The following PCDH17 variants were observed in gnomAD, a reference collection of about 807,000 sequenced individuals.
PCDH17 encodes the protein protocadherin 17.
PCDH17 carries 21 observed loss-of-function variants against 67.7 expected under a neutral mutation model. The observed-to-expected ratio is 0.31, with a 90% confidence interval of 0.22 to 0.45. PCDH17 has a LOEUF of 0.45. PCDH17 is among the 20% of genes least tolerant of loss of function. The pLI is 1.00. For missense variants in PCDH17, 1,471 were observed against 1,564.8 expected (o/e 0.94, Z 1.01); for synonymous variants, 701 against 656.7 (o/e 1.07, Z -1.03).
At chr13:57,724,008 G>C (rs1489268378) in intron 3 of PCDH17, among the ~76,000 whole-genome samples, 3 of 152,064 alleles carry the variant, frequency 2.0e-5, no homozygotes, top group African/African-American at 7.2e-5. Flanking sequence ...TAATAAAATA[G>C]AGATGTGCAC....
chr13:57,723,697 T>C (rs1379600633), intron 3 of PCDH17, among the ~76,000 whole-genome samples: 1 of 152,184 alleles, frequency 6.6e-6, no homozygotes, highest in Non-Finnish European at 1.5e-5. Flanking sequence ...TAGCTCAAAG[T>C]TATGGTTTAA....
intron 1 of PCDH17, among the ~76,000 whole-genome samples, chr13:57,641,466 A>G (rs1280265427): frequency 6.7e-6 from 1 of 148,678 alleles, no homozygotes; most frequent in East Asian, 2.0e-4. Flanking sequence ...TATAGATGAA[A>G]AATTGTGGCT....
In PCDH17 at chr13:57,720,185, T is replaced by A. The variant is rs1460695621; in HGVS notation, c.2798-4427T>A. ...CCTGATATCCTTAAGATTAAGCTAT[T>A]AAACTGCTTAGTGTAGGTTAAAAAA... On this transcript the variant is annotated intron_variant, in intron 3 of 3. Transcript: ENST00000377918. 3.3e-5 allele frequency among the ~76,000 whole-genome samples: 5 copies of A among 152,136 alleles called. No individual in the cohort carries two copies. The East Asian group carries it at 9.7e-4, about 29-fold the overall frequency.
At chr13:57,641,573 AAAAAAAAAAAAAAAATATATATAT>A (rs1195724862) in intron 1 of PCDH17, among the ~76,000 whole-genome samples, 87 of 59,952 alleles carry the variant, frequency 1.5e-3, no homozygotes, top group Middle Eastern at 0.013. Context: ...AAAAAAAAAA[AAAAAAAAAAAAAAAATATATATAT>A]ATATATATAT....
At chr13:57,635,238 G>A (rs1282104999) in intron 1 of PCDH17, 127 bp downstream of exon 1, 11 of 948,388 alleles carry the variant, frequency 1.2e-5, no homozygotes, top group Non-Finnish European at 1.6e-5. Context: ...AAATGAAAAC[G>A]GTTTACACTT....
intron 1 of PCDH17, among the ~76,000 whole-genome samples, chr13:57,660,784 T>C (rs763393160): frequency 2.0e-5 from 3 of 152,220 alleles, no homozygotes; most frequent in Non-Finnish European, 4.4e-5. Flanking sequence ...AATGATACAG[T>C]ATGCAATTTT....
At chr13:57,660,561 G>T (rs1955170661) in intron 1 of PCDH17, among the ~76,000 whole-genome samples, 1 of 152,134 alleles carries the variant, frequency 6.6e-6, no homozygotes, top group East Asian at 1.9e-4. Flanking sequence ...TTACAGTAAT[G>T]TGAACCTTTT....
chr13:57,654,453 T>G (rs1413608490), intron 1 of PCDH17, among the ~76,000 whole-genome samples: 3 of 152,208 alleles, frequency 2.0e-5, no homozygotes, highest in African/African-American at 7.2e-5. Context: ...CCATGTAGAT[T>G]ATAAAAAGTT....
At chr13:57,640,661 T>C (rs1387777379) in intron 1 of PCDH17, among the ~76,000 whole-genome samples, 1 of 152,000 alleles carries the variant, frequency 6.6e-6, no homozygotes, top group Non-Finnish European at 1.5e-5. Flanking sequence ...GAAGCCTATG[T>C]AGACGAAGAG....
rs1023261965 is a variant in PCDH17, at chr13:57,660,729, G to A, written c.2566-5739G>A. ...CCTAGCAACCACGGATTTGTTCTGTGCCATAATAGCTTTGCCTTTTTTAAA... is the reference window on the plus strand; with the variant it reads ...CCTAGCAACCACGGATTTGTTCTGTACCATAATAGCTTTGCCTTTTTTAAA... On this transcript the variant is annotated intron_variant, in intron 1 of 3. Coordinates refer to ENST00000377918, the MANE Select transcript of PCDH17 (RefSeq NM_001040429.3). Among the ~76,000 whole-genome samples the A allele has an allele frequency of 4.6e-5, 7 of 152,224 alleles. No homozygotes were observed. In the East Asian group the frequency reaches 5.8e-4, roughly 13 times the overall value.
chr13:57,724,563 A>T, intron 3 of PCDH17, 49 bp from the exon 4 acceptor site: 1 of 1,493,856 alleles, frequency 6.7e-7, no homozygotes, highest in Non-Finnish European at 9.2e-7. Context: ...GTAGAAATTT[A>T]AAGAAAACTC....
intron 1 of PCDH17, among the ~76,000 whole-genome samples, chr13:57,664,459 T>A (rs1955224941): frequency 6.6e-6 from 1 of 152,272 alleles, no homozygotes; most frequent in East Asian, 1.9e-4. Flanking sequence ...AATATGCAAA[T>A]ATTTCTAGAT....
At chr13:57,693,217 T>A (rs1451564349) in intron 3 of PCDH17, among the ~76,000 whole-genome samples, 1 of 148,306 alleles carries the variant, frequency 6.7e-6, no homozygotes, top group Non-Finnish European at 1.5e-5. Flanking sequence ...CCAACATCTT[T>A]TTTTTTTCAT....
chr13:57,631,719 A>G (rs1482335240), upstream of PCDH17: 1 of 152,262 alleles, frequency 6.6e-6, no homozygotes, highest in African/African-American at 2.4e-5. Flanking sequence ...GGAAACTACA[A>G]ATCGGGACAC....
chr13:57,719,139 C>T (rs1321911050), intron 3 of PCDH17, among the ~76,000 whole-genome samples: 1 of 151,464 alleles, frequency 6.6e-6, no homozygotes, highest in African/African-American at 2.4e-5. Flanking sequence ...AAATTAGAAA[C>T]AAAAAAAGAA....
chr13:57,644,963 G>A (rs1432696280), intron 1 of PCDH17, among the ~76,000 whole-genome samples: 3 of 151,642 alleles, frequency 2.0e-5, no homozygotes, highest in Non-Finnish European at 4.4e-5. Context: ...ATCTAATCCA[G>A]TAGTAGCCAT....
rs1216093019 is a variant in PCDH17, at chr13:57,634,207, C to T, written c.1661C>T (p.Ala554Val). 1 of 1,613,446 alleles carries T rather than the reference C, an allele frequency of 6.2e-7. No homozygotes were observed. The highest frequency in any genetic ancestry group is 1.1e-5 in the South Asian group (1 of 91,086). The change falls in exon 1 of 4, where the codon GCT becomes GTT. Residue 554 changes from alanine (A) to valine (V), a missense_variant. Physicochemically the swap from Ala to Val is moderately conservative, Grantham distance 64. Around this residue, in one of 3 missense-constraint regions of PCDH17, gnomAD observed 1,163 missense variants for 1,230.0 expected, o/e 0.95. Coordinates refer to ENST00000377918, the MANE Select transcript of PCDH17 (RefSeq NM_001040429.3). The surrounding 1 kb of genome is among the most constrained non-coding windows in gnomAD (Gnocchi z 7.8). Reference sequence around the variant, plus strand: ...AAGGCTTTTGAGTTCAAGGTGCTTGCTAAGGACTCGGGGGCGCCCGCGCAC... The same window carrying T: ...AAGGCTTTTGAGTTCAAGGTGCTTGTTAAGGACTCGGGGGCGCCCGCGCAC... ...QTKAFEFKVL[A>V]KDSGAPAHLE...
intron 3 of PCDH17, among the ~76,000 whole-genome samples, chr13:57,673,509 A>C (rs1195889456): frequency 1.3e-5 from 2 of 152,006 alleles, no homozygotes; most frequent in African/African-American, 4.8e-5. Context: ...CCACGTAACC[A>C]AGAACATGAA....
At position 57,728,354 on chromosome 13, in the gene PCDH17, A is replaced by C. The variant is rs1955929674; in HGVS notation, c.*3060A>C. On this transcript the variant is annotated 3_prime_UTR_variant, in exon 4 of 4. Transcript: ENST00000377918. ...AAAAAAATATCAATTCATATCTTTC[A>C]AGTACTAACCCCTCAAAAAAGCCCA... 1 of 152,186 alleles carries C rather than the reference A, an allele frequency of 6.6e-6. No homozygotes were observed. Among genetic ancestry groups the C allele is most frequent in the African/African-American group, 2.4e-5 (1 of 41,522 alleles). The allele number at this position is 152,186 out of a possible 1,614,324, so 9.4% of individuals were successfully genotyped here. A position where few individuals can be genotyped will look rare whatever the true frequency, so the allele number is the denominator to read the frequency against.
Sources: allele counts gnomAD v4.1 joint callset (sites outside exome capture counted in the v4.1 genomes callset), GRCh38; gene constraint gnomAD v4.1.1; regional missense constraint gnomAD v4.1.1; non-coding constraint Gnocchi (gnomAD v3.1); transcripts MANE v1.5; gene names NCBI Gene and HGNC (gene_info 2026-07-23, HGNC 2026-07-21).